CTNND1: variants seen among roughly 807,000 people sequenced by gnomAD.
CTNND1 encodes catenin delta 1, also known as catenin delta-1.
A neutral mutation model predicts 112.1 loss-of-function variants in CTNND1; 16 were observed. The observed-to-expected ratio is 0.14, with a 90% CI of 0.10 to 0.22. The LOEUF (loss-of-function observed/expected upper bound fraction) is 0.22, where lower values mean the gene tolerates loss of function less well. CTNND1 is among the 10% of genes least tolerant of loss of function. The pLI, the probability that CTNND1 is intolerant of heterozygous loss-of-function variation, is 1.00. For missense variants in CTNND1, 1,008 were observed against 1,257.0 expected, an observed-to-expected ratio of 0.80 and a Z score of 3.00; for synonymous variants, 420 against 446.5, an observed-to-expected ratio of 0.94 and a Z score of 0.75.
intron 5 of CTNND1, 26 bp downstream of exon 5, chr11:57,795,755 G>A: frequency 1.3e-6 from 2 of 1,557,952 alleles, no homozygotes; most frequent in Non-Finnish European, 1.7e-6. Flanking sequence ...TGTAAGATCT[G>A]GAAGTGATAA....
At chr11:57,768,958 T>C (rs1951834527) in intron 1 of CTNND1, among the ~76,000 whole-genome samples, 1 of 152,098 alleles carries the variant, frequency 6.6e-6, no homozygotes, top group South Asian at 2.1e-4. Flanking sequence ...GTGTTCTAAA[T>C]AGTACTTAAG....
intron 5 of CTNND1, 47 bp from the exon 6 acceptor site, chr11:57,796,410 G>T (rs1334540876): frequency 1.4e-5 from 20 of 1,478,054 alleles, no homozygotes; most frequent in South Asian, 5.4e-5. Context: ...GAATTTAATT[G>T]CTCACTTCCT....
intron 1 of CTNND1, among the ~76,000 whole-genome samples, chr11:57,786,315 T>C (rs1182051889): frequency 2.6e-5 from 4 of 151,308 alleles, no homozygotes; most frequent in African/African-American, 9.7e-5. Flanking sequence ...AGGCGGATCA[T>C]GAGGTCAGGA....
intron 1 of CTNND1, chr11:57,763,944 C>G (rs756230326): frequency 8.5e-5 from 13 of 152,186 alleles, no homozygotes; most frequent in Non-Finnish European, 1.6e-4. Context: ...ACTATTTCCA[C>G]GAACTAAGGG....
intron 1 of CTNND1, among the ~76,000 whole-genome samples, chr11:57,762,707 T>C (rs1201337624): frequency 6.6e-6 from 1 of 152,126 alleles, no homozygotes; most frequent in Non-Finnish European, 1.5e-5. Context: ...CTAGATGTAG[T>C]CTCCCTTCTT....
At chr11:57,802,264 G>A (rs2062079124) in intron 7 of CTNND1, 68 bp downstream of exon 7, 4 of 1,347,654 alleles carry the variant, frequency 3.0e-6, no homozygotes, top group Middle Eastern at 1.9e-4. Context: ...GAACTAGAGG[G>A]ATTTCCAGAC....
intron 16 of CTNND1, among the ~76,000 whole-genome samples, chr11:57,810,505 T>C (rs2063207530): frequency 6.6e-6 from 1 of 152,142 alleles, no homozygotes; most frequent in East Asian, 2.0e-4. Flanking sequence ...ATTTTTTATA[T>C]TTTTAGCAGA....
intron 1 of CTNND1, among the ~76,000 whole-genome samples, chr11:57,776,237 A>C (rs1954195421): frequency 6.6e-6 from 1 of 151,964 alleles, no homozygotes. Context: ...AGGTCTCAGG[A>C]GGGGAGGGAG....
chr11:57,777,961 C>G (rs1407840728), intron 1 of CTNND1, among the ~76,000 whole-genome samples: 3 of 152,164 alleles, frequency 2.0e-5, no homozygotes, highest in South Asian at 4.1e-4. Context: ...TTATCTCATT[C>G]TTGCAGTTAG....
In CTNND1 at chr11:57,771,735, C is replaced by G. The variant is rs367612465; in HGVS notation, c.-214+9616C>G. On this transcript the variant is annotated intron_variant, in intron 1 of 20. Coordinates refer to ENST00000399050, the MANE Select transcript of CTNND1 (RefSeq NM_001085458.2). ...GCTGTTACCGAATTTTTGTGTCTTT[C>G]TTGTAACTTGAGGTAGCACCTGACC... 3.3e-5 allele frequency among the ~76,000 whole-genome samples: 5 copies of G among 152,244 alleles called. No individual in the cohort carries two copies. In the South Asian group the frequency reaches 8.3e-4, roughly 25 times the overall value.
At chr11:57,810,398 G>A (rs1312138772) in intron 16 of CTNND1, among the ~76,000 whole-genome samples, 175 bp downstream of exon 16, 5 of 151,348 alleles carry the variant, frequency 3.3e-5, no homozygotes, top group African/African-American at 4.9e-5. Flanking sequence ...GCGCAATCTC[G>A]GCTCACTGCA....
chr11:57,780,214 C>A (rs1389508868), intron 1 of CTNND1, among the ~76,000 whole-genome samples: 1 of 151,972 alleles, frequency 6.6e-6, no homozygotes, highest in African/African-American at 2.4e-5. Flanking sequence ...CCACCACCCC[C>A]AGCTAATTTT....
chr11:57,785,964 G>T (rs1325119325), intron 1 of CTNND1, among the ~76,000 whole-genome samples: 1 of 152,058 alleles, frequency 6.6e-6, no homozygotes, highest in African/African-American at 2.4e-5. Context: ...TTACAGACGA[G>T]ACTGAGTTTT....
At chr11:57,797,253 C>T (rs968833888) in intron 6 of CTNND1, among the ~76,000 whole-genome samples, 6 of 147,956 alleles carry the variant, frequency 4.1e-5, no homozygotes. Flanking sequence ...TTTTTTGAGA[C>T]AGAGTCTTGC....
chr11:57,790,384 T>C (rs1249408865), intron 2 of CTNND1, among the ~76,000 whole-genome samples: 2 of 150,634 alleles, frequency 1.3e-5, no homozygotes, highest in South Asian at 2.1e-4. Context: ...TTTCTTTCTT[T>C]CTTTTTTTTT....
intron 6 of CTNND1, among the ~76,000 whole-genome samples, chr11:57,801,530 C>T (rs1252924184): frequency 6.6e-6 from 1 of 152,178 alleles, no homozygotes; most frequent in Non-Finnish European, 1.5e-5. Context: ...AATTAAATTG[C>T]AGGTGTTTTT....
chr11:57,798,393 G>A (rs2061614599), intron 6 of CTNND1, among the ~76,000 whole-genome samples: 1 of 150,256 alleles, frequency 6.7e-6, no homozygotes, highest in South Asian at 2.1e-4. Context: ...AAACATAGTT[G>A]AGGGTTTTAG....
intron 9 of CTNND1, 121 bp downstream of exon 9, chr11:57,804,901 C>T: frequency 4.3e-6 from 3 of 695,874 alleles, no homozygotes; most frequent in Non-Finnish European, 7.2e-6. Flanking sequence ...TATACTGTCC[C>T]CTACCCCTTA....
chr11:57,770,629 G>A lies in CTNND1; in HGVS notation c.-214+8510G>A, dbSNP rs375877773. 4.1e-4 allele frequency among the ~76,000 whole-genome samples: 62 copies of A among 151,790 alleles called. No individual in the cohort carries two copies. The South Asian group carries it at 0.011, about 27-fold the overall frequency. On this transcript the variant is annotated intron_variant, in intron 1 of 20. Transcript: ENST00000399050. ...AATCGCGCCACTGCACTCTAGCCTG[G>A]CGAGAGAGTGAGACTCCATCTCAAA...
Sources: gnomAD v4.1 joint callset for allele counts (sites outside exome capture counted in the v4.1 genomes callset) on GRCh38, gnomAD v4.1.1 for gene constraint, MANE v1.5 for transcripts, NCBI Gene and HGNC (gene_info 2026-07-23, HGNC 2026-07-21) for gene names.